Variants in COL19A1 observed in about 807,000 individuals in gnomAD.
The protein encoded by COL19A1 is collagen alpha-1(XIX) chain.
Under a neutral mutation model 190.2 loss-of-function variants are expected in COL19A1, and 159 were observed. The observed-to-expected ratio is 0.84, with a 90% CI of 0.73 to 0.95. The LOEUF (loss-of-function observed/expected upper bound fraction) is 0.95, where lower values mean the gene tolerates loss of function less well. Among genes scored for constraint, COL19A1 ranks in the 40% least tolerant of loss-of-function variants. COL19A1 has a pLI of 0.00. For missense variants in COL19A1, 1,418 were observed against 1,431.9 expected (o/e 0.99, Z 0.16); for synonymous variants, 509 against 458.9 (o/e 1.11, Z -1.39).
chr6:69,932,554 C>T (rs1772847771), intron 6 of COL19A1, among the ~76,000 whole-genome samples: 1 of 151,958 alleles, frequency 6.6e-6, no homozygotes, highest in Admixed American at 6.6e-5. Context: ...CAATTGCTTT[C>T]ATTACCTGAT....
chr6:70,165,133 T>C (rs991431368), intron 36 of COL19A1, among the ~76,000 whole-genome samples: 7 of 152,190 alleles, frequency 4.6e-5, no homozygotes, highest in Non-Finnish European at 8.8e-5. Flanking sequence ...TATGAGGCTA[T>C]TATTCTGAGA....
At chr6:70,026,420 A>G (rs1047771208) in intron 12 of COL19A1, among the ~76,000 whole-genome samples, 2 of 152,202 alleles carry the variant, frequency 1.3e-5, no homozygotes, top group South Asian at 2.1e-4. Flanking sequence ...ACATGCCCCA[A>G]TAACAGGAGG....
At chr6:70,038,406 T>A (rs1779466802) in intron 14 of COL19A1, among the ~76,000 whole-genome samples, 1 of 152,212 alleles carries the variant, frequency 6.6e-6, no homozygotes, top group Non-Finnish European at 1.5e-5. Context: ...GGAACTAGAA[T>A]GGAAAAAGCT....
intron 14 of COL19A1, among the ~76,000 whole-genome samples, chr6:70,061,404 C>A (rs1780820512): frequency 6.6e-6 from 1 of 151,634 alleles, no homozygotes; most frequent in Non-Finnish European, 1.5e-5. Context: ...ATAGCTGGGT[C>A]CTAGACTTAG....
chr6:69,903,615 C>A (rs1001845202), intron 4 of COL19A1, among the ~76,000 whole-genome samples: 1 of 152,228 alleles, frequency 6.6e-6, no homozygotes. Flanking sequence ...ATGCACCCAT[C>A]CTGCTATTAC....
At chr6:70,201,672 A>G (rs766104798) in intron 49 of COL19A1, among the ~76,000 whole-genome samples, 1 of 152,216 alleles carries the variant, frequency 6.6e-6, no homozygotes, top group Non-Finnish European at 1.5e-5. Flanking sequence ...CTTTCTTTTC[A>G]GTATTTGTTA....
chr6:70,147,049 G>A (rs1786704699), intron 27 of COL19A1, among the ~76,000 whole-genome samples, 160 bp downstream of exon 27: 1 of 152,154 alleles, frequency 6.6e-6, no homozygotes, highest in Admixed American at 6.6e-5. Flanking sequence ...TATCACTTAA[G>A]CACAGAGACA....
At chr6:70,022,397 T>C (rs914180618) in intron 11 of COL19A1, among the ~76,000 whole-genome samples, 3 of 152,218 alleles carry the variant, frequency 2.0e-5, no homozygotes, top group South Asian at 2.1e-4. Flanking sequence ...AAATCATCTG[T>C]AATCACAATG....
intron 4 of COL19A1, among the ~76,000 whole-genome samples, chr6:69,923,813 C>T (rs1772166955): frequency 6.6e-6 from 1 of 152,164 alleles, no homozygotes; most frequent in Non-Finnish European, 1.5e-5. Flanking sequence ...GATTTATAAA[C>T]TACCAGCCTG....
At position 70,034,287 on chromosome 6, in the gene COL19A1, A is replaced by C. The variant is rs1779227512; in HGVS notation, c.1123A>C (p.Lys375Gln). The C allele has an allele frequency of 6.2e-7, 1 of 1,612,822 alleles. No individual in the cohort carries two copies. The highest frequency in any genetic ancestry group is 1.3e-5 in the African/African-American group (1 of 74,890). ...DLGPHGPPGP[K>Q]GEKGDTGPPG... ...GGGTCCTCATGGTCCACCTGGCCCA[A>C]AAGGAGAAAAGGTATTGTGTTTACC... Residue 375 changes from lysine (K) to glutamine (Q), a missense_variant, in exon 13 of 51, where the codon AAA becomes CAA. Transcript: ENST00000620364.
At chr6:69,891,513 T>G (rs971180929) in intron 2 of COL19A1, among the ~76,000 whole-genome samples, 2 of 152,150 alleles carry the variant, frequency 1.3e-5, no homozygotes, top group Admixed American at 1.3e-4. Flanking sequence ...GGAGCAGGCA[T>G]GCCTGGTTTT....
chr6:70,062,931 C>T (rs1439068723), intron 14 of COL19A1, among the ~76,000 whole-genome samples: 5 of 151,954 alleles, frequency 3.3e-5, no homozygotes, highest in Non-Finnish European at 7.4e-5. Context: ...GAAGAGCTAA[C>T]TATCCTAAAT....
intron 11 of COL19A1, among the ~76,000 whole-genome samples, chr6:69,987,251 C>A (rs138931908): frequency 6.6e-6 from 1 of 152,162 alleles, no homozygotes; most frequent in African/African-American, 2.4e-5. Context: ...CTGTCATGTT[C>A]ATTTATCCTA....
intron 14 of COL19A1, among the ~76,000 whole-genome samples, chr6:70,036,298 G>A (rs1262791177): frequency 6.6e-6 from 1 of 152,148 alleles, no homozygotes; most frequent in East Asian, 1.9e-4. Flanking sequence ...TTTAAAAACT[G>A]TAAAAGGACA....
chr6:70,185,518 A>G (rs1159375775), intron 46 of COL19A1, among the ~76,000 whole-genome samples: 1 of 152,234 alleles, frequency 6.6e-6, no homozygotes, highest in Admixed American at 6.5e-5. Flanking sequence ...AACTGAAAGT[A>G]TAGTGAAGTT....
intron 15 of COL19A1, among the ~76,000 whole-genome samples, chr6:70,101,150 C>T (rs77344220): frequency 0.017 from 2,519 of 152,210 alleles, 63 homozygotes; most frequent in African/African-American, 0.056. Flanking sequence ...AATATCTTTA[C>T]TTTATAAGTA....
intron 12 of COL19A1, among the ~76,000 whole-genome samples, chr6:70,024,620 TGTGG>T (rs777551931): frequency 0.039 from 5,666 of 146,568 alleles, 129 homozygotes; most frequent in East Asian, 0.098. Flanking sequence ...TGTGTGGGTG[TGTGG>T]GTGTGTGTGT....
chr6:70,188,351 A>C (rs1766657739), intron 47 of COL19A1, 106 bp downstream of exon 47: 5 of 1,329,900 alleles, frequency 3.8e-6, no homozygotes, highest in African/African-American at 1.5e-5. Context: ...AACAAACCTA[A>C]ACTGGTCCCC....
At chr6:70,126,708 T>C (rs955174215) in intron 17 of COL19A1, among the ~76,000 whole-genome samples, 1 of 152,212 alleles carries the variant, frequency 6.6e-6, no homozygotes, top group East Asian at 1.9e-4. Context: ...CTGAGTGGCC[T>C]AAACAACACA....
Sources: gnomAD v4.1 joint callset for allele counts (sites outside exome capture counted in the v4.1 genomes callset) on GRCh38, gnomAD v4.1.1 for gene constraint, MANE v1.5 for transcripts, NCBI Gene and HGNC (gene_info 2026-07-23, HGNC 2026-07-21) for gene names.